ANP32B: variants seen among roughly 807,000 people sequenced by gnomAD.
ANP32B encodes the protein acidic nuclear phosphoprotein 32 family member B.
ANP32B carries 6 observed loss-of-function variants against 32.2 expected under a neutral mutation model. The ratio of observed to expected loss-of-function variants is 0.19; its 90% CI spans 0.10 to 0.37. ANP32B has a LOEUF of 0.37. Ranked by LOEUF, ANP32B falls within the 10% of genes least tolerant of loss-of-function variation. The pLI, the probability that ANP32B is intolerant of heterozygous loss-of-function variation, is 1.00. For missense variants in ANP32B, 204 were observed against 289.2 expected (o/e 0.71, Z 2.14); for synonymous variants, 98 against 105.8 (o/e 0.93, Z 0.45).
chr9:97,984,346 C>T (rs1236619368), intron 1 of ANP32B, among the ~76,000 whole-genome samples: 1 of 151,336 alleles, frequency 6.6e-6, no homozygotes, highest in African/African-American at 2.4e-5. Context: ...AAAAATAAAA[C>T]TTTCTCCCCC....
At chr9:97,988,162 A>G (rs1297394891) in intron 1 of ANP32B, among the ~76,000 whole-genome samples, 1 of 152,164 alleles carries the variant, frequency 6.6e-6, no homozygotes, top group Admixed American at 6.5e-5. Context: ...AATACAGTCA[A>G]CATCTTTGTG....
chr9:97,984,233 G>C (rs1323620445), intron 1 of ANP32B, among the ~76,000 whole-genome samples: 1 of 150,858 alleles, frequency 6.6e-6, no homozygotes, highest in Admixed American at 6.6e-5. Context: ...CCGGCGCGCG[G>C]AGCGGGGGAG....
intron 1 of ANP32B, among the ~76,000 whole-genome samples, chr9:97,985,060 TCGCGAGCCCCCCCCCCGC>T (rs1378250866): frequency 6.8e-6 from 1 of 147,366 alleles, no homozygotes. Context: ...CTGCCCGCCG[TCGCGAGCCCCCCCCCCGC>T]CGCGGACCGG....
In ANP32B at chr9:98,015,869, G is replaced by C; in HGVS notation, c.*438G>C. ...TATTATTATTATTTTTTTTACATTAGGACATTTTATGTGACAACTGCCAAA... is the reference window on the plus strand; with the variant it reads ...TATTATTATTATTTTTTTTACATTACGACATTTTATGTGACAACTGCCAAA... On this transcript the variant is annotated 3_prime_UTR_variant, in exon 7 of 7. Coordinates refer to ENST00000339399, the MANE Select transcript of ANP32B (RefSeq NM_006401.3). 3 of 963,556 alleles carry C rather than the reference G, an allele frequency of 3.1e-6. No individual in the cohort carries two copies. Among genetic ancestry groups the C allele is most frequent in the Non-Finnish European group, 3.7e-6 (3 of 810,078 alleles). 59.7% of individuals were successfully genotyped at this position (963,556 alleles called of 1,614,324 possible).
intron 6 of ANP32B, among the ~76,000 whole-genome samples, chr9:98,014,846 G>A (rs1399249458): frequency 2.0e-5 from 3 of 152,118 alleles, no homozygotes; most frequent in Admixed American, 6.6e-5. Flanking sequence ...TCCGCCTTCC[G>A]GATTCAAGCA....
chr9:98,015,924 AAC>A lies in ANP32B; in HGVS notation c.*495_*496del, dbSNP rs1221899384. On this transcript the variant is annotated 3_prime_UTR_variant, in exon 7 of 7. Transcript: ENST00000339399. ...TATTTTTAAGAATTTAAGCGAAATA[AAC>A]AGTTACTCTTTGGTAAAGCCTAGTT... 3 of 982,030 alleles carry A rather than the reference AAC, an allele frequency of 3.1e-6. No homozygotes were observed. The highest frequency in any genetic ancestry group is 3.6e-6 in the Non-Finnish European group (3 of 826,490). The allele number at this position is 982,030 out of a possible 1,614,324, so 60.8% of individuals were successfully genotyped here. A position where few individuals can be genotyped will look rare whatever the true frequency, so the allele number is the denominator to read the frequency against.
intron 6 of ANP32B, among the ~76,000 whole-genome samples, chr9:98,014,955 G>T (rs986942255): frequency 1.1e-4 from 16 of 152,210 alleles, no homozygotes; most frequent in African/African-American, 3.9e-4. Flanking sequence ...GTTTCACCAT[G>T]TTGGCCAGGG....
At chr9:98,014,973 G>A (rs1180709242) in intron 6 of ANP32B, among the ~76,000 whole-genome samples, 1 of 152,178 alleles carries the variant, frequency 6.6e-6, no homozygotes, top group Non-Finnish European at 1.5e-5. Context: ...GGGTGGTCTG[G>A]AACTCCTGAC....
chr9:97,991,833 G>A (rs951714844), intron 1 of ANP32B, among the ~76,000 whole-genome samples: 1 of 152,190 alleles, frequency 6.6e-6, no homozygotes. Flanking sequence ...ACGAAGGATT[G>A]TAAAGTGATT....
intron 1 of ANP32B, chr9:97,986,424 G>T (rs1249445797): frequency 1.3e-5 from 2 of 152,248 alleles, no homozygotes; most frequent in Non-Finnish European, 2.9e-5. Flanking sequence ...GTAGAGGAAG[G>T]TTCCCTTAGG....
At chr9:98,012,977 G>T (rs139149222) in intron 6 of ANP32B, among the ~76,000 whole-genome samples, 37 of 152,256 alleles carry the variant, frequency 2.4e-4, no homozygotes, top group African/African-American at 8.9e-4. Flanking sequence ...TGGTCCACCC[G>T]CCTCAGCCTC....
At chr9:97,989,497 C>T (rs915125645) in intron 1 of ANP32B, among the ~76,000 whole-genome samples, 3 of 152,078 alleles carry the variant, frequency 2.0e-5, no homozygotes, top group African/African-American at 7.2e-5. Context: ...AGCAGAAGGC[C>T]AGTTAACTCT....
At position 98,015,501 on chromosome 9, in the gene ANP32B, TTA is replaced by T. The variant is rs1491160096; in HGVS notation, c.*71_*72del. ...GACTGCTCATGGATTTTGTAGCTGT[TTA>T]AAAAAAAAAAAAAGGTAGCTGTGAT... On this transcript the variant is annotated 3_prime_UTR_variant, in exon 7 of 7. Transcript: ENST00000339399. 6.7e-7 allele frequency: 1 copy of T among 1,489,058 alleles called. No individual in the cohort carries two copies. Among genetic ancestry groups the T allele is most frequent in the Non-Finnish European group, 8.9e-7 (1 of 1,122,848 alleles). 92.2% of individuals were successfully genotyped at this position (1,489,058 alleles called of 1,614,324 possible).
chr9:98,011,213 C>G, intron 4 of ANP32B, 58 bp from the exon 5 acceptor site: 1 of 1,527,058 alleles, frequency 6.5e-7, no homozygotes, highest in Non-Finnish European at 8.8e-7. Flanking sequence ...ATCCTCAACA[C>G]TTTGTCCCCT....
At chr9:97,999,306 T>C (rs562930974) in intron 3 of ANP32B, among the ~76,000 whole-genome samples, 44 of 152,362 alleles carry the variant, frequency 2.9e-4, no homozygotes, top group Middle Eastern at 3.4e-3. Context: ...AAACATGTTC[T>C]TAACAATTTT....
intron 1 of ANP32B, chr9:97,986,673 A>T (rs932630381): frequency 3.3e-5 from 5 of 152,282 alleles, no homozygotes; most frequent in African/African-American, 1.2e-4. Flanking sequence ...GGAACATGCC[A>T]TAAACACCAC....
chr9:97,994,877 C>G, intron 2 of ANP32B, 97 bp downstream of exon 2: 1 of 1,261,228 alleles, frequency 7.9e-7, no homozygotes, highest in Non-Finnish European at 1.1e-6. Context: ...GCAGAAAGCA[C>G]ATGGCCTTTG....
At chr9:98,000,915 C>G (rs1385376212) in intron 3 of ANP32B, among the ~76,000 whole-genome samples, 1 of 147,916 alleles carries the variant, frequency 6.8e-6, no homozygotes, top group Non-Finnish European at 1.5e-5. Context: ...GAACAAGACT[C>G]CATCTCAAAA....
At chr9:98,014,933 A>G (rs1341213806) in intron 6 of ANP32B, among the ~76,000 whole-genome samples, 1 of 152,150 alleles carries the variant, frequency 6.6e-6, no homozygotes, top group Non-Finnish European at 1.5e-5. Flanking sequence ...TTGTATTTTT[A>G]GTAGAGACGG....
Sources: gnomAD v4.1 joint callset for allele counts (sites outside exome capture counted in the v4.1 genomes callset) on GRCh38, gnomAD v4.1.1 for gene constraint, MANE v1.5 for transcripts, NCBI Gene and HGNC (gene_info 2026-07-23, HGNC 2026-07-21) for gene names.